Variants in CLVS1 observed in about 807,000 individuals in gnomAD.
The protein encoded by CLVS1 is clavesin-1.
CLVS1 carries 10 observed loss-of-function variants against 33.1 expected under a neutral mutation model. That is an observed-to-expected ratio of 0.30 (90% CI 0.19 to 0.51). The LOEUF (loss-of-function observed/expected upper bound fraction) is 0.51, where lower values mean the gene tolerates loss of function less well. CLVS1 is among the 20% of genes least tolerant of loss of function. The pLI is 0.97. For missense variants in CLVS1, 343 were observed against 433.4 expected (o/e 0.79, Z 1.85); for synonymous variants, 163 against 166.1 (o/e 0.98, Z 0.14).
At chr8:61,118,058 T>C (rs954865109) in intron 1 of CLVS1, among the ~76,000 whole-genome samples, 2 of 152,130 alleles carry the variant, frequency 1.3e-5, no homozygotes, top group Non-Finnish European at 2.9e-5. Context: ...GATCCTGTTA[T>C]TGGTCTATTC....
intron 1 of CLVS1, chr8:61,090,917 T>C: frequency 1.9e-6 from 1 of 518,814 alleles, no homozygotes. Context: ...TTGGGGGACC[T>C]TGAAATGGGG....
chr8:61,392,577 G>T (rs1814347279), intron 3 of CLVS1, among the ~76,000 whole-genome samples: 1 of 152,054 alleles, frequency 6.6e-6, no homozygotes, highest in South Asian at 2.1e-4. Flanking sequence ...TAGAATGATA[G>T]CCTGGCACGG....
intron 2 of CLVS1, among the ~76,000 whole-genome samples, chr8:61,374,029 G>T (rs79289791): frequency 0.016 from 2,483 of 152,306 alleles, 76 homozygotes; most frequent in African/African-American, 0.056. Flanking sequence ...GAAGTCTCTT[G>T]AGAGCTAGGC....
At chr8:61,325,059 C>A (rs1811331405) in intron 2 of CLVS1, among the ~76,000 whole-genome samples, 1 of 152,130 alleles carries the variant, frequency 6.6e-6, no homozygotes, top group African/African-American at 2.4e-5. Flanking sequence ...AGAAAATGTT[C>A]TTTGATAGGA....
chr8:61,327,978 AAAT>A (rs962208886), intron 2 of CLVS1, among the ~76,000 whole-genome samples: 1 of 152,234 alleles, frequency 6.6e-6, no homozygotes, highest in African/African-American at 2.4e-5. Context: ...ATATTTACAT[AAAT>A]AATAATATTT....
At chr8:61,157,641 A>C (rs534902717) in intron 2 of CLVS1, among the ~76,000 whole-genome samples, 13 of 152,102 alleles carry the variant, frequency 8.5e-5, no homozygotes, top group Non-Finnish European at 1.6e-4. Context: ...AAAATAATTC[A>C]CAACACATAT....
intron 2 of CLVS1, among the ~76,000 whole-genome samples, chr8:61,275,981 G>A (rs926460309): frequency 3.3e-5 from 5 of 152,204 alleles, no homozygotes; most frequent in African/African-American, 4.8e-5. Context: ...TGCCATTAAT[G>A]TGGTTAATTG....
At chr8:60,981,678 T>C in the CLVS1 span, among the ~76,000 whole-genome samples, 1 of 152,366 alleles carries the variant, frequency 6.6e-6, no homozygotes, top group African/African-American at 2.4e-5. Context: ...ATATTCATAA[T>C]TGGAGGAGAT....
At chr8:61,339,538 G>A (rs969021555) in intron 2 of CLVS1, among the ~76,000 whole-genome samples, 4 of 152,120 alleles carry the variant, frequency 2.6e-5, no homozygotes, top group Non-Finnish European at 2.9e-5. Flanking sequence ...CCCTTATGGG[G>A]CACTGACAGA....
At chr8:61,188,833 GC>G (rs1300851906) in intron 2 of CLVS1, among the ~76,000 whole-genome samples, 1 of 152,020 alleles carries the variant, frequency 6.6e-6, no homozygotes, top group African/African-American at 2.4e-5. Context: ...TCTTTAGAAT[GC>G]TTTAGAATTT....
intron 2 of CLVS1, among the ~76,000 whole-genome samples, chr8:61,160,547 CTTAGAG>C (rs1806732368): frequency 6.6e-6 from 1 of 152,146 alleles, no homozygotes; most frequent in Non-Finnish European, 1.5e-5. Context: ...CCCTCAGGGC[CTTAGAG>C]TATCCCCACC....
At chr8:61,359,978 G>A (rs1305297141) in intron 2 of CLVS1, among the ~76,000 whole-genome samples, 2 of 152,124 alleles carry the variant, frequency 1.3e-5, no homozygotes, top group East Asian at 3.9e-4. Flanking sequence ...CTATCGGCAT[G>A]GCCCTGCACT....
intron 2 of CLVS1, among the ~76,000 whole-genome samples, chr8:61,218,697 G>A (rs1808143930): frequency 6.6e-6 from 1 of 151,334 alleles, no homozygotes; most frequent in Non-Finnish European, 1.5e-5. Context: ...CACTTTGGGA[G>A]GCTGAGGCGG....
chr8:61,020,706 G>A, the CLVS1 span, among the ~76,000 whole-genome samples: 3 of 152,244 alleles, frequency 2.0e-5, no homozygotes, highest in African/African-American at 7.2e-5. Context: ...GCATTGAGAA[G>A]ACATAGCTTG....
chr8:60,976,116 TA>T, the CLVS1 span, among the ~76,000 whole-genome samples: 2 of 152,216 alleles, frequency 1.3e-5, no homozygotes, highest in Non-Finnish European at 2.9e-5. Context: ...CTTCTAGCTT[TA>T]AATTTTTTTT....
At chr8:61,444,919 T>C (rs186200207) in intron 3 of CLVS1, among the ~76,000 whole-genome samples, 5 of 151,522 alleles carry the variant, frequency 3.3e-5, no homozygotes, top group Admixed American at 6.6e-5. Context: ...CCAAAGGAGG[T>C]GGTTGGAAGT....
intron 5 of CLVS1, among the ~76,000 whole-genome samples, chr8:61,489,687 C>T (rs990880148): frequency 3.3e-5 from 5 of 152,136 alleles, no homozygotes; most frequent in East Asian, 1.9e-4. Context: ...TGTGGAGATA[C>T]GAAACACTCC....
At chr8:61,296,403 CA>C (rs1435854740) in intron 1 of CLVS1, among the ~76,000 whole-genome samples, 1 of 152,204 alleles carries the variant, frequency 6.6e-6, no homozygotes, top group Non-Finnish European at 1.5e-5. Flanking sequence ...TAAATTATCT[CA>C]GAAACATTGT....
At chr8:61,068,409 A>G (rs1226193647) in intron 1 of CLVS1, among the ~76,000 whole-genome samples, 1 of 151,832 alleles carries the variant, frequency 6.6e-6, no homozygotes. Context: ...AGAAGGAGAG[A>G]CACACACAGC....
Sources: gnomAD v4.1 joint callset for allele counts (sites outside exome capture counted in the v4.1 genomes callset) on GRCh38, gnomAD v4.1.1 for gene constraint, MANE v1.5 for transcripts, NCBI Gene and HGNC (gene_info 2026-07-23, HGNC 2026-07-21) for gene names.